Variants in TYW1B observed in about 807,000 individuals in gnomAD.
TYW1B encodes tRNA-yW synthesizing protein 1 homolog B.
A neutral mutation model predicts 86.9 loss-of-function variants in TYW1B; 73 were observed. The ratio of observed to expected loss-of-function variants is 0.84; its 90% CI spans 0.70 to 1.02. The LOEUF (loss-of-function observed/expected upper bound fraction) is 1.02, where lower values mean the gene tolerates loss of function less well. Ranked by LOEUF, TYW1B falls within the 50% of genes least tolerant of loss-of-function variation. The probability of loss-of-function intolerance (pLI) is 0.00; values close to 1 mark genes in which losing one functional copy is unlikely to be tolerated. For synonymous variants in TYW1B, 248 were observed against 292.8 expected, an observed-to-expected ratio of 0.85 and a Z score of 1.56; for missense variants, 637 against 827.4, an observed-to-expected ratio of 0.77 and a Z score of 2.82.
chr7:72,662,594 T>A lies in TYW1B; in HGVS notation c.1506+32093A>T, dbSNP rs1228215349. Among the ~76,000 whole-genome samples the A allele has an allele frequency of 2.0e-5, 3 of 152,328 alleles. 1 individual carries two copies. The highest frequency in any genetic ancestry group is 2.0e-4 in the Admixed American group (3 of 15,296). ...AAGAGCTGCTCAAATTTTATTTACATGATTTTTAACATTTCTAACAGGCAA... is the reference window on the plus strand; with the variant it reads ...AAGAGCTGCTCAAATTTTATTTACAAGATTTTTAACATTTCTAACAGGCAA... On this transcript the variant is annotated intron_variant, in intron 11 of 13. Transcript: ENST00000620995.
intron 10 of TYW1B, among the ~76,000 whole-genome samples, chr7:72,702,882 T>C (rs191929979): frequency 2.5e-3 from 377 of 151,968 alleles, no homozygotes; most frequent in African/African-American, 6.5e-3. Flanking sequence ...CTCATTGTTT[T>C]CACAGAGAAA....
At chr7:72,665,703 CTA>C (rs1372867970) in intron 11 of TYW1B, among the ~76,000 whole-genome samples, 1 of 152,136 alleles carries the variant, frequency 6.6e-6, no homozygotes, top group East Asian at 1.9e-4. Context: ...TGGCAGTAGC[CTA>C]TGTTATATTT....
At chr7:72,615,386 A>C (rs1374931558) in intron 13 of TYW1B, among the ~76,000 whole-genome samples, 1 of 152,226 alleles carries the variant, frequency 6.6e-6, no homozygotes, top group African/African-American at 2.4e-5. Context: ...ACAGCCATTT[A>C]AGCCAGTTTC....
chr7:72,579,807 T>G (rs797040915), intron 13 of TYW1B, among the ~76,000 whole-genome samples: 7 of 152,284 alleles, frequency 4.6e-5, no homozygotes, highest in African/African-American at 1.7e-4. Flanking sequence ...CATGTCACCA[T>G]GCCCAACTAA....
chr7:72,652,919 T>A (rs1325006760), intron 11 of TYW1B, among the ~76,000 whole-genome samples: 1 of 152,148 alleles, frequency 6.6e-6, no homozygotes, highest in Non-Finnish European at 1.5e-5. Flanking sequence ...ATCCGAAATA[T>A]GTGCAAAGGT....
chr7:72,803,209 C>T (rs1473873077), intron 5 of TYW1B, among the ~76,000 whole-genome samples: 1 of 152,034 alleles, frequency 6.6e-6, no homozygotes, highest in Admixed American at 6.6e-5. Flanking sequence ...CTCATCTCTA[C>T]AAAAACAACA....
At chr7:72,691,159 C>T (rs1444818678) in intron 11 of TYW1B, among the ~76,000 whole-genome samples, 1 of 151,584 alleles carries the variant, frequency 6.6e-6, no homozygotes, top group African/African-American at 2.4e-5. Flanking sequence ...ATAGCATCTA[C>T]TATGTCTTAT....
At chr7:72,828,027 A>G (rs782154445) in intron 1 of TYW1B, 45 bp downstream of exon 1, 1 of 1,611,086 alleles carries the variant, frequency 6.2e-7, no homozygotes, top group African/African-American at 1.3e-5. Context: ...TAAAACGTTT[A>G]CCTCCCCTGC....
At position 72,815,518 on chromosome 7, in the gene TYW1B, A is replaced by C. The variant is rs778240063; in HGVS notation, c.136-37T>G. 35 of 1,571,474 alleles carry C rather than the reference A, an allele frequency of 2.2e-5. No homozygotes were observed. In the African/African-American group the frequency reaches 3.7e-4, roughly 17 times the overall value. On this transcript the variant is annotated intron_variant, in intron 2 of 13. Coordinates refer to ENST00000620995, the MANE Select transcript of TYW1B (RefSeq NM_001145440.3). ...AAAAAAAACTTCAAATAAAGTCTTC[A>C]ATGAGCCAAATATAGCCCTCATTTA...
At chr7:72,578,684 C>A (rs75184811) in intron 13 of TYW1B, among the ~76,000 whole-genome samples, 18 of 152,134 alleles carry the variant, frequency 1.2e-4, no homozygotes, top group African/African-American at 4.1e-4. Flanking sequence ...GCCAACTGGG[C>A]CAACTATGGA....
Position 72,742,058 on chromosome 7 carries a change from A to T in TYW1B, c.1082+2426T>A, listed in dbSNP as rs371057208. Among the ~76,000 whole-genome samples the T allele has an allele frequency of 7.7e-4, 117 of 152,290 alleles. 1 individual carries two copies. Among genetic ancestry groups the T allele is most frequent in the African/African-American group, 2.5e-3 (105 of 41,578 alleles). ...ATACAAATATACAAAGAACAACATAAAGGTAAAATACATAGGTAAATACAA... is the reference window on the plus strand; with the variant it reads ...ATACAAATATACAAAGAACAACATATAGGTAAAATACATAGGTAAATACAA... On this transcript the variant is annotated intron_variant, in intron 8 of 13. Transcript: ENST00000620995.
At chr7:72,583,304 C>T (rs1213765106) in intron 13 of TYW1B, among the ~76,000 whole-genome samples, 1 of 152,096 alleles carries the variant, frequency 6.6e-6, no homozygotes, top group Non-Finnish European at 1.5e-5. Flanking sequence ...GAGCCGAGAT[C>T]GTGCCACTGC....
chr7:72,586,930 T>C (rs1585827432), intron 13 of TYW1B, among the ~76,000 whole-genome samples: 2 of 152,132 alleles, frequency 1.3e-5, no homozygotes, highest in East Asian at 3.9e-4. Context: ...AAAGGCCATA[T>C]ATAATAGACA....
chr7:72,681,349 G>C (rs1179374556), intron 11 of TYW1B, among the ~76,000 whole-genome samples: 2 of 152,104 alleles, frequency 1.3e-5, no homozygotes, highest in Non-Finnish European at 2.9e-5. Context: ...CCTTCCCTAG[G>C]GGACCTTACA....
intron 2 of TYW1B, among the ~76,000 whole-genome samples, chr7:72,825,007 G>T (rs1402500720): frequency 2.3e-4 from 35 of 151,682 alleles, no homozygotes; most frequent in Non-Finnish European, 4.1e-4. Context: ...GGAGGCTGAG[G>T]TGGGAGGATG....
At chr7:72,785,675 T>A (rs1223364624) in intron 6 of TYW1B, among the ~76,000 whole-genome samples, 4 of 152,086 alleles carry the variant, frequency 2.6e-5, no homozygotes, top group African/African-American at 7.2e-5. Context: ...AAACCAGTCT[T>A]ACAATGACAG....
intron 7 of TYW1B, among the ~76,000 whole-genome samples, chr7:72,775,061 CAGA>C (rs1787932108): frequency 6.6e-6 from 1 of 152,098 alleles, no homozygotes; most frequent in African/African-American, 2.4e-5. Context: ...TGAGACATTA[CAGA>C]AGAAAAGATA....
At chr7:72,767,064 G>GTC (rs1202886745) in intron 7 of TYW1B, among the ~76,000 whole-genome samples, 2 of 152,030 alleles carry the variant, frequency 1.3e-5, no homozygotes, top group Non-Finnish European at 2.9e-5. Context: ...AACAGAAGCA[G>GTC]GGAAGACCAT....
chr7:72,589,882 T>C (rs1296026402), intron 13 of TYW1B, among the ~76,000 whole-genome samples: 13 of 151,852 alleles, frequency 8.6e-5, no homozygotes, highest in African/African-American at 1.2e-4. Flanking sequence ...GTCTCAAAAA[T>C]AAACAAACAA....
Sources: allele counts gnomAD v4.1 joint callset (sites outside exome capture counted in the v4.1 genomes callset), GRCh38; gene constraint gnomAD v4.1.1; transcripts MANE v1.5; gene names NCBI Gene and HGNC (gene_info 2026-07-23, HGNC 2026-07-21).